The following COL9A1 variants were observed in gnomAD, a reference collection of about 807,000 sequenced individuals.
The protein encoded by COL9A1 is collagen type IX alpha 1 chain, also known as collagen alpha-1(IX) chain.
A neutral mutation model predicts 142.6 loss-of-function variants in COL9A1; 104 were observed. The ratio of observed to expected loss-of-function variants is 0.73; its 90% CI spans 0.62 to 0.86. COL9A1 has a LOEUF of 0.86. Ranked by LOEUF, COL9A1 falls within the 40% of genes least tolerant of loss-of-function variation. The pLI is 0.00. For missense variants in COL9A1, 1,210 were observed against 1,176.6 expected (o/e 1.03, Z -0.42); for synonymous variants, 466 against 396.0 (o/e 1.18, Z -2.10).
intron 11 of COL9A1, 101 bp from the exon 12 acceptor site, chr6:70,274,183 G>GT: frequency 1.1e-6 from 1 of 917,218 alleles, no homozygotes; most frequent in African/African-American, 1.8e-5. Flanking sequence ...CCCCATTATG[G>GT]TGTTTTTTTT....
At chr6:70,297,146 G>A (rs900482990) in intron 4 of COL9A1, among the ~76,000 whole-genome samples, 1 of 152,030 alleles carries the variant, frequency 6.6e-6, no homozygotes, top group African/African-American at 2.4e-5. Context: ...TTAAAGGTAG[G>A]AAAGAACATA....
chr6:70,282,713 C>T (rs1463455831), intron 7 of COL9A1, among the ~76,000 whole-genome samples, 185 bp downstream of exon 7: 1 of 152,138 alleles, frequency 6.6e-6, no homozygotes, highest in Non-Finnish European at 1.5e-5. Flanking sequence ...CCTTCCTAGA[C>T]CAAGGGGTCA....
intron 36 of COL9A1, among the ~76,000 whole-genome samples, chr6:70,226,384 C>T (rs968162443): frequency 6.6e-6 from 1 of 152,058 alleles, no homozygotes; most frequent in Admixed American, 6.6e-5. Flanking sequence ...ACAATCAGAA[C>T]AATATAAAGA....
At position 70,290,275 on chromosome 6, in the gene COL9A1, T is replaced by C. The variant is rs1003006813; in HGVS notation, c.696+3892A>G. ...CATGCTGACAACAAACAATAAAGAA[T>C]CTGTCATAAAATAACATGTTTTTAT... On this transcript the variant is annotated intron_variant, in intron 5 of 37. Coordinates refer to ENST00000357250, the MANE Select transcript of COL9A1 (RefSeq NM_001851.6). Among the ~76,000 whole-genome samples, 4 of 152,246 alleles carry C rather than the reference T, an allele frequency of 2.6e-5. 1 individual carries two copies. The highest frequency in any genetic ancestry group is 2.6e-4 in the Admixed American group (4 of 15,286).
chr6:70,224,071 C>A (rs955017271), intron 37 of COL9A1, among the ~76,000 whole-genome samples: 4 of 152,124 alleles, frequency 2.6e-5, no homozygotes, highest in Admixed American at 2.6e-4. Flanking sequence ...TATTAGGAGT[C>A]CCCTGGATCA....
At chr6:70,238,120 G>C (rs944185677) in intron 33 of COL9A1, among the ~76,000 whole-genome samples, 1 of 152,224 alleles carries the variant, frequency 6.6e-6, no homozygotes, top group Non-Finnish European at 1.5e-5. Flanking sequence ...ACAGAGGAGG[G>C]ATACACAGTG....
chr6:70,234,042 T>C (rs1283974194), intron 35 of COL9A1, among the ~76,000 whole-genome samples: 1 of 152,244 alleles, frequency 6.6e-6, no homozygotes, highest in Non-Finnish European at 1.5e-5. Context: ...TTTTGGTAAA[T>C]GCTGGTTATT....
At chr6:70,223,460 T>C (rs1003340554) in intron 37 of COL9A1, among the ~76,000 whole-genome samples, 14 of 152,198 alleles carry the variant, frequency 9.2e-5, no homozygotes, top group African/African-American at 3.4e-4. Context: ...GTTAGTGGCA[T>C]AGTCAAAACG....
chr6:70,254,186 C>T (rs960000284), intron 25 of COL9A1, among the ~76,000 whole-genome samples: 3 of 152,014 alleles, frequency 2.0e-5, no homozygotes, highest in Non-Finnish European at 4.4e-5. Flanking sequence ...TCACACTGGC[C>T]TACAGCTTAG....
At chr6:70,280,102 AT>A in intron 10 of COL9A1, 1 of 631,366 alleles carries the variant, frequency 1.6e-6, no homozygotes, top group Non-Finnish European at 2.9e-6. Flanking sequence ...AAGAAGTATT[AT>A]TTAGTGTTAG....
intron 10 of COL9A1, chr6:70,280,482 T>C (rs1204446003): frequency 2.3e-6 from 3 of 1,303,458 alleles, no homozygotes; most frequent in Middle Eastern, 3.0e-4. Context: ...TCTATTGCCA[T>C]CCGTACCCCC....
At chr6:70,293,631 T>TCA (rs3222430) in intron 5 of COL9A1, among the ~76,000 whole-genome samples, 7,208 of 137,746 alleles carry the variant, frequency 0.052, 179 homozygotes, top group Non-Finnish European at 0.064. Flanking sequence ...TCTCTCTCTT[T>TCA]CACACACACA....
intron 6 of COL9A1, 185 bp from the exon 7 acceptor site, chr6:70,283,103 CTCTAGGCT>C (rs1232784174): frequency 6.6e-7 from 1 of 1,525,074 alleles, no homozygotes; most frequent in Non-Finnish European, 8.8e-7. Flanking sequence ...CCTGGTTCCC[CTCTAGGCT>C]TCCAGACCCG....
chr6:70,287,786 T>G (rs537712313), intron 5 of COL9A1, among the ~76,000 whole-genome samples: 3 of 152,304 alleles, frequency 2.0e-5, no homozygotes, highest in South Asian at 4.1e-4. Context: ...ATTCTATCCT[T>G]TTTGAAATAC....
At chr6:70,291,062 C>T (rs1410945692) in intron 5 of COL9A1, among the ~76,000 whole-genome samples, 1 of 152,078 alleles carries the variant, frequency 6.6e-6, no homozygotes, top group African/African-American at 2.4e-5. Flanking sequence ...CATTGTTCAT[C>T]TTCAGCAATT....
At position 70,302,937 on chromosome 6, in the gene COL9A1, TTTTC is replaced by T. The variant is rs549441376; in HGVS notation, c.-17_-14del. On this transcript the variant is annotated 5_prime_UTR_variant, in exon 1 of 38. Coordinates refer to ENST00000357250, the MANE Select transcript of COL9A1 (RefSeq NM_001851.6). ...AGCAGGTCTTCATTTTCCCAGTTGA[TTTTC>T]TTTGTTTGCCAACAGTCCCTATGAA... is the stretch of plus-strand genomic sequence containing the variant. 491 of 1,613,986 alleles carry T rather than the reference TTTTC, an allele frequency of 3.0e-4. No individual in the cohort carries two copies. In the African/African-American group the frequency reaches 5.9e-3, roughly 19 times the overall value.
chr6:70,223,121 T>C (rs1008977648), intron 37 of COL9A1, among the ~76,000 whole-genome samples: 4 of 152,246 alleles, frequency 2.6e-5, no homozygotes, highest in East Asian at 3.9e-4. Flanking sequence ...GGGGCGGTGC[T>C]GATTTAGAGA....
chr6:70,227,643 G>A (rs1415189668), intron 36 of COL9A1, among the ~76,000 whole-genome samples: 1 of 151,896 alleles, frequency 6.6e-6, no homozygotes, highest in Non-Finnish European at 1.5e-5. Context: ...TTATCATAGA[G>A]ATAAAGATGG....
chr6:70,236,883 G>A lies in COL9A1; in HGVS notation c.2113-1943C>T, dbSNP rs1326758096. On this transcript the variant is annotated intron_variant, in intron 33 of 37. Transcript: ENST00000357250. ...GTTGCCCAGGCTGGAGTGCAATGGC[G>A]TGATCTCGGCTCACCACAACCTCCA... Among the ~76,000 whole-genome samples, 15 of 151,824 alleles carry A rather than the reference G, an allele frequency of 9.9e-5. No homozygotes were observed. In the East Asian group the frequency reaches 2.1e-3, roughly 22 times the overall value.
Sources: gnomAD v4.1 joint callset for allele counts (sites outside exome capture counted in the v4.1 genomes callset) on GRCh38, gnomAD v4.1.1 for gene constraint, MANE v1.5 for transcripts, NCBI Gene and HGNC (gene_info 2026-07-23, HGNC 2026-07-21) for gene names.